Variants in ZMYND8 observed in about 807,000 individuals in gnomAD.
The protein encoded by ZMYND8 is MYND-type zinc finger-containing chromatin reader ZMYND8.
In ZMYND8, 37 loss-of-function variants were observed where a neutral mutation model predicts 140.8. That is an observed-to-expected ratio of 0.26 (90% confidence interval 0.20 to 0.35). The LOEUF (loss-of-function observed/expected upper bound fraction) is 0.35. Ranked by LOEUF, ZMYND8 falls within the 10% of genes least tolerant of loss-of-function variation. The pLI, the probability that ZMYND8 is intolerant of heterozygous loss-of-function variation, is 1.00. For synonymous variants in ZMYND8, 592 were observed against 597.1 expected (o/e 0.99, Z 0.12); for missense variants, 1,068 against 1,570.0 (o/e 0.68, Z 5.40).
At chr20:47,303,218 G>A (rs913761317) in intron 3 of ZMYND8, among the ~76,000 whole-genome samples, 11 of 152,050 alleles carry the variant, frequency 7.2e-5, no homozygotes, top group Admixed American at 2.0e-4. Context: ...AAGAGAGGGC[G>A]GGGAACTCCT....
At chr20:47,216,189 A>C (rs2036072084) in intron 21 of ZMYND8, among the ~76,000 whole-genome samples, 1 of 152,018 alleles carries the variant, frequency 6.6e-6, no homozygotes, top group South Asian at 2.1e-4. Context: ...AAAACAAAAA[A>C]CTTGGGTCAC....
intron 10 of ZMYND8, among the ~76,000 whole-genome samples, chr20:47,277,748 GC>G (rs2076345882): frequency 6.6e-6 from 1 of 151,924 alleles, no homozygotes; most frequent in Non-Finnish European, 1.5e-5. Flanking sequence ...TCAGCTCACT[GC>G]AACCTCCGTC....
chr20:47,257,723 T>A (rs2074856425), intron 12 of ZMYND8, among the ~76,000 whole-genome samples: 1 of 152,212 alleles, frequency 6.6e-6, no homozygotes, highest in South Asian at 2.1e-4. Context: ...CATATACTTA[T>A]ATACCATATA....
At chr20:47,293,040 G>A (rs1239235265) in intron 5 of ZMYND8, among the ~76,000 whole-genome samples, 1 of 146,506 alleles carries the variant, frequency 6.8e-6, no homozygotes, top group East Asian at 2.1e-4. Context: ...GGGCAACAAA[G>A]CAACAGTCTG....
Position 47,224,366 on chromosome 20 carries a change from G to T in ZMYND8, c.3207C>A (p.Pro1069=), listed in dbSNP as rs775919337. 4 of 1,614,258 alleles carry T rather than the reference G, an allele frequency of 2.5e-6. No individual in the cohort carries two copies. Among genetic ancestry groups the T allele is most frequent in the Non-Finnish European group, 3.4e-6 (4 of 1,180,042 alleles). The change falls in exon 19 of 23, where the codon CCC becomes CCA. Residue 1069 remains proline (P), a synonymous_variant. Coordinates refer to ENST00000471951, the MANE Select transcript of ZMYND8 (RefSeq NM_001281775.3). ...GCTCAGGCCAGTGGGCTTGCTGGCAGGGGTAGTCACAGTAGCTGGTGTTCC... is the reference window on the plus strand; with the variant it reads ...GCTCAGGCCAGTGGGCTTGCTGGCATGGGTAGTCACAGTAGCTGGTGTTCC... ...CCWNTSYCDY[P]CQQAHWPEHM...
chr20:47,341,875 C>A (rs375081260), intron 2 of ZMYND8, among the ~76,000 whole-genome samples: 6 of 151,392 alleles, frequency 4.0e-5, no homozygotes, highest in Non-Finnish European at 5.9e-5. Context: ...TGGTGGCGGG[C>A]GCCTGTAATC....
At chr20:47,220,462 G>A (rs2036783164) in intron 20 of ZMYND8, 138 bp from the exon 21 acceptor site, 1 of 732,876 alleles carries the variant, frequency 1.4e-6, no homozygotes, top group Admixed American at 2.2e-5. Context: ...ACGGTCAGGT[G>A]GGAGTGATGG....
intron 16 of ZMYND8, among the ~76,000 whole-genome samples, chr20:47,232,897 GT>G (rs144707608): frequency 2.6e-4 from 18 of 70,202 alleles, no homozygotes; most frequent in Admixed American, 3.9e-4. Context: ...GTTTTTTTTT[GT>G]TTTTTTTGTT....
At chr20:47,334,344 A>G (rs1210053765) in intron 2 of ZMYND8, among the ~76,000 whole-genome samples, 2 of 152,194 alleles carry the variant, frequency 1.3e-5, no homozygotes, top group African/African-American at 4.8e-5. Context: ...GATCTATGCT[A>G]CAAGAATGTG....
chr20:47,303,169 G>T (rs1032390703), intron 3 of ZMYND8, among the ~76,000 whole-genome samples: 6 of 152,128 alleles, frequency 3.9e-5, no homozygotes, highest in Admixed American at 2.0e-4. Context: ...GGGTATGGGG[G>T]TGCTAAAGAG....
At chr20:47,276,233 G>C in intron 11 of ZMYND8, 81 bp downstream of exon 11, 1 of 1,454,322 alleles carries the variant, frequency 6.9e-7, no homozygotes, top group Non-Finnish European at 9.0e-7. Flanking sequence ...ATGCTCACCT[G>C]CTTGGGCCCA....
chr20:47,334,303 C>A (rs1172044808), intron 2 of ZMYND8, among the ~76,000 whole-genome samples: 1 of 152,134 alleles, frequency 6.6e-6, no homozygotes, highest in African/African-American at 2.4e-5. Flanking sequence ...CACTTCCGCA[C>A]CACTATAAGT....
chr20:47,236,460 T>C lies in ZMYND8; in HGVS notation c.2722A>G (p.Thr908Ala), dbSNP rs1448150320. Residue 908 changes from threonine to alanine, a missense_variant, in exon 16 of 23, where the codon ACC becomes GCC. Thr to Ala is a moderately conservative substitution (Grantham distance 58). This residue lies in a region of ZMYND8 where 383 missense variants were observed against 431.2 expected (regional missense o/e 0.89). Transcript: ENST00000471951. ...ACCAGGGGCGATGACTGTGTGCTGG[T>C]CACCAGGGTGATGGTGGACGTGGAT... ...SPSTSTITLV[T>A]STQSSPLVTS... is the part of the protein sequence containing the mutation. 2.5e-6 allele frequency: 4 copies of C among 1,611,900 alleles called. No individual in the cohort carries two copies. The African/African-American group carries it at 4.0e-5, about 16-fold the overall frequency.
intron 21 of ZMYND8, among the ~76,000 whole-genome samples, chr20:47,219,579 C>A (rs1476278975): frequency 6.6e-6 from 1 of 151,360 alleles, no homozygotes; most frequent in Non-Finnish European, 1.5e-5. Context: ...TGGTGCCAGG[C>A]AAAAACCTTG....
chr20:47,316,463 C>T (rs943884226), intron 2 of ZMYND8, among the ~76,000 whole-genome samples: 12 of 152,014 alleles, frequency 7.9e-5, no homozygotes, highest in African/African-American at 2.9e-4. Context: ...CAAGATAACA[C>T]AGGCTCATAG....
intron 1 of ZMYND8, chr20:47,356,412 C>A (rs567167350): frequency 2.0e-6 from 3 of 1,534,000 alleles, no homozygotes; most frequent in Non-Finnish European, 1.7e-6. Context: ...CCAGAAACAC[C>A]ATGCCCTGGT....
At chr20:47,301,655 A>G (rs1175606698) in intron 3 of ZMYND8, among the ~76,000 whole-genome samples, 2 of 152,110 alleles carry the variant, frequency 1.3e-5, no homozygotes, top group Non-Finnish European at 2.9e-5. Flanking sequence ...GAAAATCAGA[A>G]ATCAAAAATG....
At chr20:47,265,920 A>G (rs1259137591) in intron 11 of ZMYND8, among the ~76,000 whole-genome samples, 2 of 152,210 alleles carry the variant, frequency 1.3e-5, no homozygotes, top group Non-Finnish European at 2.9e-5. Context: ...TGGCAAGAAT[A>G]AGGGTGTCAG....
At chr20:47,325,650 T>A (rs992851836) in intron 2 of ZMYND8, among the ~76,000 whole-genome samples, 1 of 152,116 alleles carries the variant, frequency 6.6e-6, no homozygotes, top group African/African-American at 2.4e-5. Context: ...AGCAGGGGAG[T>A]AAGTAAAGAT....
Sources: allele counts gnomAD v4.1 joint callset (sites outside exome capture counted in the v4.1 genomes callset), GRCh38; gene constraint gnomAD v4.1.1; regional missense constraint gnomAD v4.1.1; transcripts MANE v1.5; gene names NCBI Gene and HGNC (gene_info 2026-07-23, HGNC 2026-07-21).